Variants in TRAPPC9 observed in about 807,000 individuals in gnomAD.
TRAPPC9 encodes the protein trafficking protein particle complex subunit 9, also known as IKK2 binding protein.
TRAPPC9 carries 83 observed loss-of-function variants against 124.0 expected under a neutral mutation model. The ratio of observed to expected loss-of-function variants is 0.67; its 90% CI spans 0.56 to 0.80. The LOEUF is 0.80. Among genes scored for constraint, TRAPPC9 ranks in the 30% least tolerant of loss-of-function variants. The pLI, the probability that TRAPPC9 is intolerant of heterozygous loss-of-function variation, is 0.00. For synonymous variants in TRAPPC9, 638 were observed against 617.5 expected (o/e 1.03, Z -0.49); for missense variants, 1,302 against 1,508.3 (o/e 0.86, Z 2.27).
intron 21 of TRAPPC9, among the ~76,000 whole-genome samples, chr8:139,864,657 G>A (rs1225442580): frequency 6.6e-6 from 1 of 152,096 alleles, no homozygotes; most frequent in Non-Finnish European, 1.5e-5. Flanking sequence ...CGGGAGCAAT[G>A]GACAGCGTCT....
At chr8:139,967,938 A>G (rs1387434466) in intron 19 of TRAPPC9, among the ~76,000 whole-genome samples, 1 of 152,170 alleles carries the variant, frequency 6.6e-6, no homozygotes, top group Non-Finnish European at 1.5e-5. Flanking sequence ...CAGGAGTTCC[A>G]GACCAGTCTG....
intron 9 of TRAPPC9, among the ~76,000 whole-genome samples, chr8:140,356,802 G>A (rs2067765167): frequency 6.7e-6 from 1 of 149,428 alleles, no homozygotes; most frequent in Non-Finnish European, 1.5e-5. Flanking sequence ...TAGAGATGGG[G>A]TTTCACTATG....
intron 17 of TRAPPC9, among the ~76,000 whole-genome samples, chr8:140,068,450 C>A (rs749624542): frequency 6.6e-6 from 1 of 152,152 alleles, no homozygotes; most frequent in Non-Finnish European, 1.5e-5. Context: ...GCAGGCTGCA[C>A]AAGTGACATG....
Position 140,097,193 on chromosome 8 carries a change from C to T in TRAPPC9, c.2557-73114G>A, listed in dbSNP as rs1845021084. On this transcript the variant is annotated intron_variant, in intron 17 of 22. Coordinates refer to ENST00000438773, the MANE Select transcript of TRAPPC9 (RefSeq NM_001160372.4). The surrounding 1 kb of genome is among the most constrained non-coding windows in gnomAD (Gnocchi z 4.2). ...CGTTGACAAAGCAAAGACACCTGCC[C>T]TGGTCCTCCGTGCAGCTGGCACGGA... The T allele has an allele frequency of 1.3e-5, 2 of 152,336 alleles. No homozygotes were observed. Among genetic ancestry groups the T allele is most frequent in the Admixed American group, 1.3e-4 (2 of 15,280 alleles). The allele number at this position is 152,336 out of a possible 1,614,324, so 9.4% of individuals were successfully genotyped here.
At chr8:139,928,201 C>CT (rs35390189) in intron 19 of TRAPPC9, among the ~76,000 whole-genome samples, 4,341 of 152,268 alleles carry the variant, frequency 0.029, 213 homozygotes, top group African/African-American at 0.098. Flanking sequence ...TCAGAAACAC[C>CT]TCGGTTTGGG....
At position 140,011,283 on chromosome 8, in the gene TRAPPC9, A is replaced by C. The variant is rs1241663361; in HGVS notation, c.2699+12654T>G. Among the ~76,000 whole-genome samples the C allele has an allele frequency of 3.3e-5, 5 of 152,042 alleles. No homozygotes were observed. The East Asian group carries it at 7.8e-4, about 24-fold the overall frequency. On this transcript the variant is annotated intron_variant, in intron 18 of 22. Transcript: ENST00000438773. The stretch of plus-strand genomic sequence containing the variant: ...CTTGAACCCAGGAGGCAGAGGTTGC[A>C]GTGAGCCAAGATTGTACCACTGCAC...
At chr8:139,741,529 C>T (rs1818559081) in intron 21 of TRAPPC9, among the ~76,000 whole-genome samples, 1 of 152,108 alleles carries the variant, frequency 6.6e-6, no homozygotes. Flanking sequence ...AGATAAAAGT[C>T]ACATACCACA....
chr8:140,364,780 C>T (rs2068060726), intron 8 of TRAPPC9, among the ~76,000 whole-genome samples: 1 of 151,960 alleles, frequency 6.6e-6, no homozygotes, highest in Admixed American at 6.5e-5. Flanking sequence ...ACGGGTTGGC[C>T]AGGCTGGTCT....
intron 18 of TRAPPC9, among the ~76,000 whole-genome samples, chr8:139,999,491 C>T (rs915084318): frequency 6.6e-6 from 1 of 152,066 alleles, no homozygotes; most frequent in African/African-American, 2.4e-5. Context: ...CTTCAACACT[C>T]TTCTCTCAGT....
Position 140,451,081 on chromosome 8 carries a change from T to A in TRAPPC9, c.293A>T (p.Lys98Met). 6.2e-7 allele frequency: 1 copy of A among 1,614,034 alleles called. No homozygotes were observed. The highest frequency in any genetic ancestry group is 8.5e-7 in the Non-Finnish European group (1 of 1,179,986). ...GTAGATCTCCTTCTGCACGTGGAAC[T>A]TCTCAAAGGTCTGTGGCCAGTCCTT... Reference protein sequence around the residue: ...SAKDWPQTFEKFHVQKEIYGS... With the variant: ...SAKDWPQTFEMFHVQKEIYGS... Residue 98 changes from lysine (K) to methionine (M), a missense_variant, in exon 2 of 23, where the codon AAG becomes ATG. Around this residue, in one of 3 missense-constraint regions of TRAPPC9, gnomAD observed 657 missense variants for 811.2 expected, o/e 0.81. Transcript: ENST00000438773.
chr8:139,761,715 C>T (rs926084549), intron 21 of TRAPPC9, among the ~76,000 whole-genome samples: 2 of 152,052 alleles, frequency 1.3e-5, no homozygotes, highest in East Asian at 2.0e-4. Context: ...CCCTCAGGGA[C>T]GGCCCACTGG....
intron 19 of TRAPPC9, among the ~76,000 whole-genome samples, chr8:139,922,561 C>T (rs2085925): frequency 0.24 from 36,188 of 152,152 alleles, 4,455 homozygotes; most frequent in Non-Finnish European, 0.26. Flanking sequence ...GTCAAGTCTA[C>T]GTGGACACAC....
At chr8:140,165,673 A>G (rs950975196) in intron 17 of TRAPPC9, among the ~76,000 whole-genome samples, 4 of 151,300 alleles carry the variant, frequency 2.6e-5, no homozygotes, top group African/African-American at 9.7e-5. Context: ...GGAAGGGAAG[A>G]ACTACCATTA....
intron 17 of TRAPPC9, among the ~76,000 whole-genome samples, chr8:140,204,479 G>A (rs888090665): frequency 3.7e-5 from 5 of 135,038 alleles, no homozygotes; most frequent in East Asian, 4.9e-4. Context: ...GTCGTTGGGT[G>A]GGGGGAGGGG....
intron 16 of TRAPPC9, among the ~76,000 whole-genome samples, chr8:140,230,667 G>A (rs781642114): frequency 6.6e-6 from 1 of 151,954 alleles, no homozygotes; most frequent in African/African-American, 2.4e-5. Flanking sequence ...CCAGCTACTC[G>A]GGAGGCTGAG....
intron 17 of TRAPPC9, among the ~76,000 whole-genome samples, chr8:140,135,241 G>A (rs1187531938): frequency 1.3e-5 from 2 of 152,130 alleles, no homozygotes; most frequent in Non-Finnish European, 2.9e-5. Flanking sequence ...CAACCAATGT[G>A]GAAACTTTTG....
intron 15 of TRAPPC9, among the ~76,000 whole-genome samples, chr8:140,272,464 A>G (rs76081367): frequency 0.034 from 4,874 of 144,836 alleles, 138 homozygotes; most frequent in African/African-American, 0.072. Flanking sequence ...TGGCAGTGGT[A>G]GTGATGGTGA....
chr8:139,944,985 G>A (rs1834119116), intron 19 of TRAPPC9, among the ~76,000 whole-genome samples: 1 of 152,082 alleles, frequency 6.6e-6, no homozygotes, highest in Admixed American at 6.5e-5. Flanking sequence ...TTAGCTGGGT[G>A]TGGTGGCATG....
At chr8:140,078,609 AC>A (rs1039419474) in intron 17 of TRAPPC9, among the ~76,000 whole-genome samples, 12 of 152,200 alleles carry the variant, frequency 7.9e-5, no homozygotes, top group African/African-American at 2.7e-4. Flanking sequence ...AACATGAATC[AC>A]AAGGACAAAG....
Sources: gnomAD v4.1 joint callset for allele counts (sites outside exome capture counted in the v4.1 genomes callset) on GRCh38, gnomAD v4.1.1 for gene constraint, gnomAD v4.1.1 regional missense constraint, Gnocchi (gnomAD v3.1) non-coding constraint, MANE v1.5 for transcripts, NCBI Gene and HGNC (gene_info 2026-07-23, HGNC 2026-07-21) for gene names.